Variants in STARD13 observed in about 807,000 individuals in gnomAD.
STARD13 encodes the protein StAR related lipid transfer domain containing 13, also known as stAR-related lipid transfer protein 13.
A neutral mutation model predicts 106.4 loss-of-function variants in STARD13; 62 were observed. That is an observed-to-expected ratio of 0.58 (90% confidence interval 0.48 to 0.72). The LOEUF is 0.72. Ranked by LOEUF, STARD13 falls within the 30% of genes least tolerant of loss-of-function variation. The pLI is 0.00. For synonymous variants in STARD13, 565 were observed against 553.0 expected, an observed-to-expected ratio of 1.02 and a Z score of -0.31; for missense variants, 1,387 against 1,424.0, an observed-to-expected ratio of 0.97 and a Z score of 0.42.
chr13:33,529,341 A>G, the STARD13 span, among the ~76,000 whole-genome samples: 1 of 152,192 alleles, frequency 6.6e-6, no homozygotes, highest in Non-Finnish European at 1.5e-5. Flanking sequence ...TAAAAATTAC[A>G]TATGGAACAA....
At chr13:33,322,097 G>A (rs760785485) in intron 1 of STARD13, among the ~76,000 whole-genome samples, 7 of 152,136 alleles carry the variant, frequency 4.6e-5, no homozygotes, top group Admixed American at 6.5e-5. Context: ...TCACAGTGTT[G>A]AGATTCGCAT....
chr13:33,230,852 T>C (rs1348875036), intron 1 of STARD13, among the ~76,000 whole-genome samples: 1 of 152,214 alleles, frequency 6.6e-6, no homozygotes, highest in Non-Finnish European at 1.5e-5. Context: ...GGAAGAACCA[T>C]AACTGCAAGA....
chr13:33,495,757 C>T, the STARD13 span, among the ~76,000 whole-genome samples: 1 of 149,794 alleles, frequency 6.7e-6, no homozygotes, highest in Non-Finnish European at 1.5e-5. Flanking sequence ...AATCTTTCCA[C>T]ATTTAATATA....
chr13:33,642,662 A>C, the STARD13 span, among the ~76,000 whole-genome samples: 3 of 152,224 alleles, frequency 2.0e-5, no homozygotes, highest in African/African-American at 7.2e-5. Context: ...GGCCTTAAAT[A>C]ACCTGCCCTG....
intron 1 of STARD13, among the ~76,000 whole-genome samples, chr13:33,241,077 G>T (rs1441025783): frequency 3.3e-5 from 5 of 152,108 alleles, no homozygotes; most frequent in Non-Finnish European, 7.4e-5. Flanking sequence ...TATTAAGATT[G>T]TATTATAAAT....
chr13:33,554,857 A>G, the STARD13 span, among the ~76,000 whole-genome samples: 8 of 152,196 alleles, frequency 5.3e-5, no homozygotes. Context: ...TTGGGATCAA[A>G]ATTATGTGTA....
the STARD13 span, among the ~76,000 whole-genome samples, chr13:33,357,140 A>G: frequency 6.6e-6 from 1 of 152,242 alleles, no homozygotes; most frequent in Non-Finnish European, 1.5e-5. Context: ...TTCAACAAAG[A>G]TCTGTATTCC....
At chr13:33,416,747 A>G in the STARD13 span, among the ~76,000 whole-genome samples, 1 of 152,258 alleles carries the variant, frequency 6.6e-6, no homozygotes, top group Admixed American at 6.5e-5. Flanking sequence ...TCTTAGAAGA[A>G]AACAAAGGAA....
At chr13:33,358,065 A>G in the STARD13 span, among the ~76,000 whole-genome samples, 647 of 150,688 alleles carry the variant, frequency 4.3e-3, 4 homozygotes, top group African/African-American at 0.014. Flanking sequence ...GGCGGGCCCC[A>G]CACTCGGAGC....
the STARD13 span, among the ~76,000 whole-genome samples, chr13:33,365,288 G>A: frequency 3.9e-5 from 6 of 152,192 alleles, no homozygotes; most frequent in African/African-American, 1.4e-4. Flanking sequence ...AATCTAGAAA[G>A]TAACAGGAAT....
chr13:33,239,704 A>G (rs1218866693), intron 1 of STARD13, among the ~76,000 whole-genome samples: 2 of 152,154 alleles, frequency 1.3e-5, no homozygotes, highest in Non-Finnish European at 2.9e-5. Flanking sequence ...AGAAATATCT[A>G]TTCAAGTCTT....
intron 5 of STARD13, among the ~76,000 whole-genome samples, 167 bp downstream of exon 5, chr13:33,128,762 C>G (rs143589290): frequency 1.3e-5 from 2 of 152,180 alleles, no homozygotes; most frequent in Non-Finnish European, 2.9e-5. Context: ...CACCATGATA[C>G]CTGTACAGAA....
the STARD13 span, among the ~76,000 whole-genome samples, chr13:33,458,787 G>T: frequency 1.3e-5 from 2 of 150,030 alleles, no homozygotes; most frequent in Admixed American, 6.7e-5. Flanking sequence ...GCGCTTCTGA[G>T]TGAGGAACAA....
chr13:33,497,092 G>A, the STARD13 span, among the ~76,000 whole-genome samples: 1 of 152,064 alleles, frequency 6.6e-6, no homozygotes, highest in Non-Finnish European at 1.5e-5. Context: ...AAGAATAAAA[G>A]ACAGGCTTAG....
At chr13:33,378,921 G>C in the STARD13 span, among the ~76,000 whole-genome samples, 1 of 151,984 alleles carries the variant, frequency 6.6e-6, no homozygotes, top group Non-Finnish European at 1.5e-5. Flanking sequence ...ATCAGCCTGG[G>C]CAACATGGTG....
At chr13:33,444,690 C>A in the STARD13 span, among the ~76,000 whole-genome samples, 4 of 152,126 alleles carry the variant, frequency 2.6e-5, no homozygotes, top group Non-Finnish European at 4.4e-5. Flanking sequence ...ATCACTTGAA[C>A]CCCAGAAGTT....
intron 1 of STARD13, among the ~76,000 whole-genome samples, chr13:33,307,202 T>A (rs1474490317): frequency 1.3e-5 from 2 of 152,096 alleles, no homozygotes; most frequent in Non-Finnish European, 2.9e-5. Flanking sequence ...CTTTACACGG[T>A]CGGTGGGGAT....
chr13:33,308,793 G>A (rs1772466074), intron 1 of STARD13, among the ~76,000 whole-genome samples: 1 of 151,864 alleles, frequency 6.6e-6, no homozygotes, highest in African/African-American at 2.4e-5. Flanking sequence ...CGAAGTGCTG[G>A]GATTACAGGC....
intron 1 of STARD13, among the ~76,000 whole-genome samples, chr13:33,182,192 T>G (rs1351746069): frequency 6.6e-6 from 1 of 152,198 alleles, no homozygotes; most frequent in Non-Finnish European, 1.5e-5. Context: ...GATCTGACAT[T>G]TTTCTGTTCT....
Sources: allele counts gnomAD v4.1 joint callset (sites outside exome capture counted in the v4.1 genomes callset), GRCh38; gene constraint gnomAD v4.1.1; transcripts MANE v1.5; gene names NCBI Gene and HGNC (gene_info 2026-07-23, HGNC 2026-07-21).